The following INO80D variants were observed in gnomAD, a reference collection of about 807,000 sequenced individuals.
The protein encoded by INO80D is INO80 complex subunit D.
A neutral mutation model predicts 87.6 loss-of-function variants in INO80D; 21 were observed. The observed-to-expected ratio is 0.24, with a 90% CI of 0.17 to 0.35. The LOEUF (loss-of-function observed/expected upper bound fraction) is 0.35. Ranked by LOEUF, INO80D falls within the 10% of genes least tolerant of loss-of-function variation. The pLI, the probability that INO80D is intolerant of heterozygous loss-of-function variation, is 1.00. For synonymous variants in INO80D, 440 were observed against 491.0 expected, an observed-to-expected ratio of 0.90 and a Z score of 1.37; for missense variants, 982 against 1,280.7, an observed-to-expected ratio of 0.77 and a Z score of 3.56.
At chr2:206,018,771 G>A (rs960452964) in intron 7 of INO80D, among the ~76,000 whole-genome samples, 46 of 152,086 alleles carry the variant, frequency 3.0e-4, no homozygotes, top group African/African-American at 1.0e-3. Context: ...GCATGGTGGT[G>A]CATGCCTGTA....
chr2:206,045,926 A>G (rs1162174252), intron 5 of INO80D, among the ~76,000 whole-genome samples: 2 of 152,224 alleles, frequency 1.3e-5, no homozygotes, highest in African/African-American at 2.4e-5. Flanking sequence ...CCTCTTCTGT[A>G]AAATGAGGAA....
rs774433274 is a variant in INO80D, at chr2:206,004,602, C to T, written c.2850G>A (p.Gln950=). ...AAGGCCCCATGCCACTGAAGCTGGT[C>T]TGTGGTAACCCCGGAAGCACACTGG... ...SSSSVLPGLP[Q]TSFSGMGPSA... The change falls in exon 11 of 11, where the codon CAG becomes CAA. Residue 950 remains glutamine, a synonymous_variant. Transcript: ENST00000403263. The surrounding 1 kb of genome is among the most constrained non-coding windows in gnomAD (Gnocchi z 4.9). 6.2e-7 allele frequency: 1 copy of T among 1,612,482 alleles called. No individual in the cohort carries two copies. Among genetic ancestry groups the T allele is most frequent in the Non-Finnish European group, 8.5e-7 (1 of 1,179,250 alleles).
chr2:206,080,339 A>C (rs1406437496), intron 1 of INO80D, among the ~76,000 whole-genome samples: 1 of 152,146 alleles, frequency 6.6e-6, no homozygotes, highest in Non-Finnish European at 1.5e-5. Flanking sequence ...TCAAAACCTG[A>C]AAGAGCGGAA....
intron 8 of INO80D, among the ~76,000 whole-genome samples, chr2:206,015,332 A>G (rs1402475379): frequency 6.6e-6 from 1 of 152,164 alleles, no homozygotes; most frequent in Non-Finnish European, 1.5e-5. Flanking sequence ...CTCCCATCAT[A>G]GGCCTGGAGG....
intron 1 of INO80D, among the ~76,000 whole-genome samples, chr2:206,080,902 C>CAAAAAAAAAAAAA (rs60198558): frequency 2.6e-5 from 1 of 38,058 alleles, no homozygotes. Flanking sequence ...GACTCAGTCT[C>CAAAAAAAAAAAAA]AAAAAAAAAA....
In INO80D at chr2:206,067,245, C is replaced by CA. The variant is rs774707029; in HGVS notation, c.-123-4002dup. On this transcript the variant is annotated intron_variant, in intron 1 of 10. Coordinates refer to ENST00000403263, the MANE Select transcript of INO80D (RefSeq NM_017759.5). ...CCGGGCAACAGAGTGCAACCGTCTC[C>CA]AAAAAAAAAAAAAGAAGTAAAAAGT... 8.4e-3 allele frequency among the ~76,000 whole-genome samples: 1,031 copies of CA among 122,804 alleles called. 8 individuals are homozygous for CA. The highest frequency in any genetic ancestry group is 0.013 in the African/African-American group (440 of 32,920). 80.6% of individuals were successfully genotyped at this position (122,804 alleles called of 152,430 possible). A position where few individuals can be genotyped will look rare whatever the true frequency, so the allele number is the denominator to read the frequency against.
chr2:206,043,126 C>T (rs545575448), intron 5 of INO80D, among the ~76,000 whole-genome samples: 1 of 152,286 alleles, frequency 6.6e-6, no homozygotes, highest in South Asian at 2.1e-4. Flanking sequence ...ATGGCAACAC[C>T]CTCTTGAAGA....
rs1042125087 is a variant in INO80D, at chr2:206,054,749, G to A, written c.964+1449C>T. Among the ~76,000 whole-genome samples the A allele has an allele frequency of 2.0e-5, 3 of 151,490 alleles. No homozygotes were observed. The East Asian group carries it at 5.9e-4, about 30-fold the overall frequency. On this transcript the variant is annotated intron_variant, in intron 4 of 10. Coordinates refer to ENST00000403263, the MANE Select transcript of INO80D (RefSeq NM_017759.5). ...GGCTAGTCTCCAATTCCTGACCTCA[G>A]GTGATCTGCCCACCTCAGCCTCCCA... is the stretch of plus-strand genomic sequence containing the variant.
At chr2:206,037,655 T>C (rs1401841652) in intron 5 of INO80D, among the ~76,000 whole-genome samples, 3 of 152,124 alleles carry the variant, frequency 2.0e-5, no homozygotes, top group African/African-American at 7.2e-5. Flanking sequence ...TGGAAAACAG[T>C]ATAAAGATTT....
intron 1 of INO80D, among the ~76,000 whole-genome samples, chr2:206,068,761 A>G (rs889533450): frequency 2.6e-5 from 4 of 151,756 alleles, no homozygotes; most frequent in African/African-American, 4.8e-5. Context: ...GTGTAGTGGC[A>G]CAATCACCAC....
At chr2:206,058,850 A>G (rs1689604275) in intron 3 of INO80D, among the ~76,000 whole-genome samples, 1 of 152,204 alleles carries the variant, frequency 6.6e-6, no homozygotes, top group Non-Finnish European at 1.5e-5. Flanking sequence ...GCAACTACTC[A>G]AAGCACTTTG....
chr2:206,077,774 G>A (rs1178566850), intron 1 of INO80D, among the ~76,000 whole-genome samples: 1 of 152,138 alleles, frequency 6.6e-6, no homozygotes, highest in African/African-American at 2.4e-5. Context: ...TGGCCTCTTT[G>A]TTACTGAATT....
chr2:206,018,461 T>C (rs1306419261), intron 7 of INO80D, among the ~76,000 whole-genome samples: 3 of 152,142 alleles, frequency 2.0e-5, no homozygotes, highest in Non-Finnish European at 4.4e-5. Flanking sequence ...TTTTCTTTTT[T>C]TAAACAGCTC....
intron 1 of INO80D, among the ~76,000 whole-genome samples, chr2:206,083,729 TG>T (rs1690347490): frequency 6.6e-6 from 1 of 151,992 alleles, no homozygotes; most frequent in Non-Finnish European, 1.5e-5. Flanking sequence ...GCCCTGCAAG[TG>T]GTAGCTTTTC....
intron 5 of INO80D, among the ~76,000 whole-genome samples, chr2:206,044,385 A>T (rs1285909346): frequency 6.6e-6 from 1 of 151,940 alleles, no homozygotes; most frequent in Non-Finnish European, 1.5e-5. Flanking sequence ...AAGTAAATGA[A>T]CAAATGAATG....
chr2:206,056,120 T>C, intron 4 of INO80D, 78 bp downstream of exon 4: 1 of 1,401,126 alleles, frequency 7.1e-7, no homozygotes. Context: ...ATGGGGTAAT[T>C]ATGAAAGGGA....
intron 4 of INO80D, among the ~76,000 whole-genome samples, chr2:206,051,136 C>T (rs1689356065): frequency 6.6e-6 from 1 of 152,016 alleles, no homozygotes; most frequent in Middle Eastern, 3.4e-3. Context: ...GCAAGCAAAC[C>T]AAAACCCAGA....
intron 5 of INO80D, among the ~76,000 whole-genome samples, chr2:206,039,345 C>T (rs1367381646): frequency 3.3e-5 from 5 of 151,396 alleles, no homozygotes; most frequent in African/African-American, 1.2e-4. Flanking sequence ...TGCGGTGAGC[C>T]GAGATTGCGC....
chr2:206,083,931 C>A (rs957664779), intron 1 of INO80D, among the ~76,000 whole-genome samples: 1 of 151,300 alleles, frequency 6.6e-6, no homozygotes, highest in African/African-American at 2.4e-5. Flanking sequence ...CACGCCCACA[C>A]TGGGGACTGG....
Sources: allele counts gnomAD v4.1 joint callset (sites outside exome capture counted in the v4.1 genomes callset), GRCh38; gene constraint gnomAD v4.1.1; non-coding constraint Gnocchi (gnomAD v3.1); transcripts MANE v1.5; gene names NCBI Gene and HGNC (gene_info 2026-07-23, HGNC 2026-07-21).